The following EIF4G3 variants were observed in gnomAD, a reference collection of about 807,000 sequenced individuals.
The protein encoded by EIF4G3 is eIF-4-gamma 3.
EIF4G3 carries 34 observed loss-of-function variants against 186.4 expected under a neutral mutation model. That is an observed-to-expected ratio of 0.18 (90% CI 0.14 to 0.24). EIF4G3 has a LOEUF of 0.24. Among genes scored for constraint, EIF4G3 ranks in the 10% least tolerant of loss-of-function variants. The probability of loss-of-function intolerance (pLI) is 1.00; values close to 1 mark genes in which losing one functional copy is unlikely to be tolerated. For synonymous variants in EIF4G3, 673 were observed against 679.5 expected, an observed-to-expected ratio of 0.99 and a Z score of 0.15; for missense variants, 1,536 against 1,948.5, an observed-to-expected ratio of 0.79 and a Z score of 3.99.
At chr1:20,987,104 C>CT (rs1488848785) in intron 7 of EIF4G3, among the ~76,000 whole-genome samples, 2 of 152,182 alleles carry the variant, frequency 1.3e-5, no homozygotes, top group Non-Finnish European at 2.9e-5. Flanking sequence ...TCGAAAAATC[C>CT]TTCTAAAGAT....
Position 20,893,627 on chromosome 1 carries a change from G to T in EIF4G3, c.2143C>A (p.Pro715Thr). 6.4e-7 allele frequency: 1 copy of T among 1,565,454 alleles called. No individual in the cohort carries two copies. Reference protein sequence around the residue: ...SDVVLDKINQPKLPMRTLDPR... With the variant: ...SDVVLDKINQTKLPMRTLDPR... ...TCCAGAGTTCGCATTGGCAATTTGG[G>T]TTGGTTGATCTGCATGAAAAAGCAA... The change falls in exon 18 of 37, where the codon CCC (proline) becomes ACC (threonine). Residue 715 changes from proline to threonine, a missense_variant. Transcript: ENST00000602326.
intron 15 of EIF4G3, among the ~76,000 whole-genome samples, chr1:20,900,572 C>T (rs2089973966): frequency 1.3e-5 from 2 of 150,600 alleles, no homozygotes; most frequent in South Asian, 2.1e-4. Context: ...TGGAGTATCA[C>T]ACCTATTTTC....
intron 19 of EIF4G3, among the ~76,000 whole-genome samples, chr1:20,885,765 G>T (rs2083914142): frequency 6.6e-6 from 1 of 152,100 alleles, no homozygotes; most frequent in Non-Finnish European, 1.5e-5. Context: ...AAGATTCAAA[G>T]AATTAAATTT....
At chr1:21,103,396 G>A (rs949462894) in intron 2 of EIF4G3, among the ~76,000 whole-genome samples, 1 of 152,150 alleles carries the variant, frequency 6.6e-6, no homozygotes, top group African/African-American at 2.4e-5. Flanking sequence ...TACAAATCCT[G>A]TTTTAAGAGA....
chr1:21,023,266 C>CTCTCCCTCTCCCCACGG (rs1557570951), intron 4 of EIF4G3, among the ~76,000 whole-genome samples: 3 of 131,942 alleles, frequency 2.3e-5, no homozygotes, highest in African/African-American at 8.6e-5. Flanking sequence ...CTCCCCCTCC[C>CTCTCCCTCTCCCCACGG]TCTCCCTCTC....
intron 10 of EIF4G3, among the ~76,000 whole-genome samples, chr1:20,977,811 T>C (rs777758317): frequency 3.0e-4 from 46 of 152,324 alleles, no homozygotes; most frequent in Non-Finnish European, 5.7e-4. Context: ...ATTATGTCTC[T>C]ACTAGTAAAT....
At chr1:20,852,297 C>T (rs942235063) in intron 27 of EIF4G3, among the ~76,000 whole-genome samples, 13 of 152,036 alleles carry the variant, frequency 8.6e-5, no homozygotes, top group African/African-American at 2.7e-4. Flanking sequence ...CCACTGTGCC[C>T]GGCCTTAATT....
At position 20,982,857 on chromosome 1, in the gene EIF4G3, T is replaced by C. The variant is rs567467579; in HGVS notation, c.178-449A>G. Among the ~76,000 whole-genome samples the C allele has an allele frequency of 5.3e-5, 8 of 152,326 alleles. No individual in the cohort carries two copies. The South Asian group carries it at 1.7e-3, about 32-fold the overall frequency. On this transcript the variant is annotated intron_variant, in intron 7 of 36. Coordinates refer to ENST00000602326, the MANE Select transcript of EIF4G3 (RefSeq NM_001391906.1). ...AAGTCCTAAGAAATAAACTTTTCAA[T>C]ATATATCAGACTCTTAATGACAGAG...
Position 20,855,289 on chromosome 1 carries a change from CTGTT to C in EIF4G3, c.3340-222_3340-219del, listed in dbSNP as rs202216202. 9.7e-3 allele frequency among the ~76,000 whole-genome samples: 1,474 copies of C among 152,246 alleles called. 20 individuals are homozygous for C. The highest frequency in any genetic ancestry group is 0.016 in the Non-Finnish European group (1,077 of 68,022). On this transcript the variant is annotated intron_variant, in intron 25 of 36. Transcript: ENST00000602326. Reference sequence around the variant, plus strand: ...CCTGGACTCCAGTTTCCACAAAAAACTGTTTGGTCTAGAGAATGCATCCAGGTCC... The same window carrying C: ...CCTGGACTCCAGTTTCCACAAAAAACTGGTCTAGAGAATGCATCCAGGTCC...
intron 4 of EIF4G3, among the ~76,000 whole-genome samples, chr1:21,030,519 CTCTT>C (rs1557615067): frequency 1.3e-5 from 2 of 152,206 alleles, no homozygotes; most frequent in Non-Finnish European, 2.9e-5. Flanking sequence ...TCCAACAAAC[CTCTT>C]TCTTTTGTAA....
intron 3 of EIF4G3, among the ~76,000 whole-genome samples, chr1:21,088,127 G>A (rs1399606543): frequency 6.6e-6 from 1 of 151,500 alleles, no homozygotes; most frequent in Non-Finnish European, 1.5e-5. Flanking sequence ...ATTTCCTTCT[G>A]TTAAAAACAG....
chr1:20,997,143 T>C, intron 7 of EIF4G3, among the ~76,000 whole-genome samples: 1 of 152,206 alleles, frequency 6.6e-6, no homozygotes, highest in Non-Finnish European at 1.5e-5. Flanking sequence ...AATTTATTAC[T>C]AGATCTAAGT....
chr1:20,987,744 A>G (rs1252010743), intron 7 of EIF4G3, among the ~76,000 whole-genome samples: 4 of 152,194 alleles, frequency 2.6e-5, no homozygotes, highest in African/African-American at 9.7e-5. Flanking sequence ...AGCAGACACA[A>G]TAATATTGAA....
chr1:20,813,127 G>A lies in EIF4G3; in HGVS notation c.4597+31C>T, dbSNP rs1204698524. 11 of 1,465,338 alleles carry A rather than the reference G, an allele frequency of 7.5e-6. No individual in the cohort carries two copies. The Admixed American group carries it at 1.9e-4, about 25-fold the overall frequency. 90.8% of individuals were successfully genotyped at this position (1,465,338 alleles called of 1,614,324 possible). ...AGTTGACATAATGGGGATTTCAGAT[G>A]TTATGAGCTGCCTTCAGAAATGTTA... is the stretch of plus-strand genomic sequence containing the variant. On this transcript the variant is annotated intron_variant, in intron 35 of 36. Coordinates refer to ENST00000602326, the MANE Select transcript of EIF4G3 (RefSeq NM_001391906.1).
At chr1:20,812,730 CTG>C (rs1181594360) in intron 35 of EIF4G3, among the ~76,000 whole-genome samples, 4 of 152,126 alleles carry the variant, frequency 2.6e-5, no homozygotes, top group African/African-American at 9.7e-5. Context: ...ACAGGACAAA[CTG>C]TTGATATTTT....
intron 2 of EIF4G3, among the ~76,000 whole-genome samples, chr1:21,137,204 C>T (rs777027292): frequency 2.7e-5 from 4 of 150,284 alleles, no homozygotes; most frequent in African/African-American, 4.9e-5. Context: ...ACTGCAGTGG[C>T]ACAATCATAG....
At chr1:20,910,327 T>C (rs985901676) in intron 14 of EIF4G3, among the ~76,000 whole-genome samples, 3 of 152,202 alleles carry the variant, frequency 2.0e-5, no homozygotes, top group Non-Finnish European at 2.9e-5. Flanking sequence ...GGCTCCCGCC[T>C]GGAATCCCAG....
At chr1:20,906,700 CTTGT>C (rs1288476341) in intron 14 of EIF4G3, among the ~76,000 whole-genome samples, 4 of 151,994 alleles carry the variant, frequency 2.6e-5, no homozygotes, top group African/African-American at 9.7e-5. Flanking sequence ...TGTTACTCAT[CTTGT>C]TTAAGTGGCT....
intron 6 of EIF4G3, among the ~76,000 whole-genome samples, chr1:21,000,144 C>T (rs771563576): frequency 8.8e-5 from 13 of 148,324 alleles, no homozygotes; most frequent in Non-Finnish European, 1.8e-4. Context: ...AAAAAAACAA[C>T]TACTGCTGTT....
Sources: allele counts gnomAD v4.1 joint callset (sites outside exome capture counted in the v4.1 genomes callset), GRCh38; gene constraint gnomAD v4.1.1; transcripts MANE v1.5; gene names NCBI Gene and HGNC (gene_info 2026-07-23, HGNC 2026-07-21).